PCSK4: variants seen among roughly 807,000 people sequenced by gnomAD.
PCSK4 encodes proprotein convertase subtilisin/kexin type 4.
PCSK4 carries 64 observed loss-of-function variants against 80.3 expected under a neutral mutation model. That is an observed-to-expected ratio of 0.80 (90% CI 0.65 to 0.98). The LOEUF is 0.98. Among genes scored for constraint, PCSK4 ranks in the 50% least tolerant of loss-of-function variants. The pLI, the probability that PCSK4 is intolerant of heterozygous loss-of-function variation, is 0.00. For synonymous variants in PCSK4, 561 were observed against 487.6 expected (o/e 1.15, Z -1.98); for missense variants, 1,213 against 1,093.6 (o/e 1.11, Z -1.54).
At chr19:1,482,869 C>T in intron 13 of PCSK4, 27 bp downstream of exon 13, 1 of 1,594,536 alleles carries the variant, frequency 6.3e-7, no homozygotes, top group Non-Finnish European at 8.6e-7. Context: ...CCAAGCCCCG[C>T]CCACCACAGC....
intron 6 of PCSK4, 121 bp downstream of exon 6, chr19:1,487,482 G>C (rs1173257443): frequency 1.9e-6 from 2 of 1,037,630 alleles, no homozygotes; most frequent in Non-Finnish European, 2.8e-6. Flanking sequence ...CTGGAGTCTG[G>C]GGCCCTAGCA....
chr19:1,487,680 C>T (rs770408253), exon 6 of PCSK4: 28 of 1,554,218 alleles, frequency 1.8e-5, no homozygotes, highest in South Asian at 3.6e-5. Flanking sequence ...CCCAGCACAG[C>T]GGGTCCCGTG....
chr19:1,486,853 G>T (rs772084886), exon 8 of PCSK4: 3 of 1,595,222 alleles, frequency 1.9e-6, no homozygotes, highest in East Asian at 2.2e-5. Flanking sequence ...CTGCACTCAC[G>T]ATCTGGGGGT....
Position 1,488,176 on chromosome 19 carries a change from C to T in PCSK4, c.387+12G>A. On this transcript the variant is annotated intron_variant, in intron 3 of 14. Transcript: ENST00000300954. ...CCCCGTCCCCGTCTACCCACCCTGG[C>T]TGCCTGCTCACCATGTACCACTGCT... The T allele has an allele frequency of 6.2e-7, 1 of 1,613,534 alleles. No homozygotes were observed. The highest frequency in any genetic ancestry group is 8.5e-7 in the Non-Finnish European group (1 of 1,179,856).
upstream of PCSK4, chr19:1,490,415 C>T: frequency 9.7e-6 from 6 of 617,804 alleles, no homozygotes; most frequent in Non-Finnish European, 1.6e-5. Flanking sequence ...TGGGCCCAGG[C>T]GTCCGACCCG....
rs201305258 is a variant in PCSK4, at chr19:1,487,126, C to T, written c.855+15G>A. 482 of 1,602,790 alleles carry T rather than the reference C, an allele frequency of 3.0e-4. 5 individuals carry two copies. In the East Asian group the frequency reaches 9.4e-3, roughly 31 times the overall value. ...CCTGGCCTGCCACCCCTGCCCTCCT[C>T]GGGCTGCCACTCACCTTGGTCACAC... is the stretch of plus-strand genomic sequence containing the variant. On this transcript the variant is annotated intron_variant, in intron 7 of 14. Coordinates refer to ENST00000300954, the Ensembl canonical transcript of PCSK4.
At chr19:1,486,037 A>G (rs186748755) in intron 8 of PCSK4, among the ~76,000 whole-genome samples, 2 of 152,064 alleles carry the variant, frequency 1.3e-5, no homozygotes, top group Non-Finnish European at 2.9e-5. Flanking sequence ...CAGTGGTGCA[A>G]TCTTGGCTCA....
At chr19:1,482,600 G>A in intron 13 of PCSK4, 125 bp from the exon 14 acceptor site, 1 of 1,215,670 alleles carries the variant, frequency 8.2e-7, no homozygotes, top group South Asian at 1.5e-5. Flanking sequence ...ACATCTCTCA[G>A]GGAATTGCAC....
rs568585464 is a variant in PCSK4, at chr19:1,489,334, G to C, written c.294+459C>G. Among the ~76,000 whole-genome samples the C allele has an allele frequency of 1.2e-4, 19 of 152,150 alleles. No homozygotes were observed. In the South Asian group the frequency reaches 3.7e-3, roughly 30 times the overall value. ...TTTTCAGTAGAGACAGGGTTTCACC[G>C]TGTTCGCTAGGATCTCGTCTCGATT... On this transcript the variant is annotated intron_variant, in intron 2 of 14. Transcript: ENST00000300954.
chr19:1,488,154 C>T lies in PCSK4; in HGVS notation c.387+34G>A, dbSNP rs77658311. 7,587 of 1,613,212 alleles carry T rather than the reference C, an allele frequency of 4.7e-3. 26 individuals are homozygous for T. The highest frequency in any genetic ancestry group is 6.0e-3 in the Non-Finnish European group (7,121 of 1,179,706). ...CTGGAGTTGAGGGCGCCAGCGGCCC[C>T]GTCCCCGTCTACCCACCCTGGCTGC... On this transcript the variant is annotated intron_variant, in intron 3 of 14. Coordinates refer to ENST00000300954, the Ensembl canonical transcript of PCSK4.
Position 1,487,123 on chromosome 19 carries a change from C to A in PCSK4, c.855+18G>T. On this transcript the variant is annotated intron_variant, in intron 7 of 14. Transcript: ENST00000300954. ...CGGCCTGGCCTGCCACCCCTGCCCT[C>A]CTCGGGCTGCCACTCACCTTGGTCA... 1 of 1,602,750 alleles carries A rather than the reference C, an allele frequency of 6.2e-7. No individual in the cohort carries two copies. The highest frequency in any genetic ancestry group is 8.5e-7 in the Non-Finnish European group (1 of 1,177,642).
intron 10 of PCSK4, 32 bp downstream of exon 10, chr19:1,483,806 C>T (rs768517100): frequency 2.0e-6 from 3 of 1,501,498 alleles, no homozygotes; most frequent in Non-Finnish European, 2.6e-6. Context: ...CCGTGGGCCC[C>T]GGGTCCCCGC....
Position 1,481,580 on chromosome 19 carries a change from A to T in PCSK4, c.*179T>A, listed in dbSNP as rs1256377137. 6.2e-6 allele frequency: 3 copies of T among 483,780 alleles called. No individual in the cohort carries two copies. The East Asian group carries it at 9.3e-5, about 15-fold the overall frequency. 30.0% of individuals were successfully genotyped at this position (483,780 alleles called of 1,614,324 possible). A position where few individuals can be genotyped will look rare whatever the true frequency, so the allele number is the denominator to read the frequency against. On this transcript the variant is annotated 3_prime_UTR_variant, in exon 15 of 15. Coordinates refer to ENST00000300954, the Ensembl canonical transcript of PCSK4. ...ACTCCCGCCCAAACCCAAAATGCAGAGGAGACTTCTCTCTCTCTCTCTCCC... is the reference window on the plus strand; with the variant it reads ...ACTCCCGCCCAAACCCAAAATGCAGTGGAGACTTCTCTCTCTCTCTCTCCC...
rs140588442 is a variant in PCSK4 at position 1,486,991 on chromosome 19, G to A, written c.930C>T (p.Cys310=). 5.3e-5 allele frequency: 86 copies of A among 1,609,618 alleles called. 1 individual carries two copies. The highest frequency in any genetic ancestry group is 2.0e-4 in the African/African-American group (15 of 74,896). The change falls in exon 8 of 15, where the codon TGC becomes TGT. Residue 310 remains cysteine (C), a synonymous_variant. Coordinates refer to ENST00000300954, the Ensembl canonical transcript of PCSK4. ...TGTGGATGCTGTTGGTGTAGCCGTC[G>A]CAGTTGCAGTTGTCGTAGTGCAGGC... is the stretch of plus-strand genomic sequence containing the variant.
exon 4 of PCSK4, chr19:1,488,069 C>G (rs1479163223): frequency 6.2e-7 from 1 of 1,613,288 alleles, no homozygotes; most frequent in East Asian, 2.2e-5. Flanking sequence ...GCAGGATGCT[C>G]AGGTCTGGTT....
chr19:1,488,091 T>G (rs1437709410), exon 4 of PCSK4: 2 of 1,613,084 alleles, frequency 1.2e-6, no homozygotes, highest in Admixed American at 3.3e-5. Flanking sequence ...GGCCTCGCTG[T>G]TCTGCAGGGG....
chr19:1,482,235 C>T (rs904894092), intron 14 of PCSK4, 28 bp from the exon 15 acceptor site: 9 of 1,523,744 alleles, frequency 5.9e-6, no homozygotes, highest in South Asian at 3.6e-5. Flanking sequence ...CGCAAAGGCC[C>T]GTCAGCTTGC....
intron 14 of PCSK4, 60 bp downstream of exon 14, chr19:1,482,293 C>T (rs1568202277): frequency 1.4e-5 from 22 of 1,531,376 alleles, no homozygotes; most frequent in Admixed American, 5.9e-5. Flanking sequence ...GCCACATGCA[C>T]GCTGCCCACG....
exon 15 of PCSK4, chr19:1,481,727 C>CG: frequency 6.9e-7 from 1 of 1,439,338 alleles, no homozygotes; most frequent in Non-Finnish European, 9.3e-7. Context: ...GGGACCCAGG[C>CG]GGGGGCAAGG....
Sources: allele counts gnomAD v4.1 joint callset (sites outside exome capture counted in the v4.1 genomes callset), GRCh38; gene constraint gnomAD v4.1.1; transcripts MANE v1.5; gene names NCBI Gene and HGNC (gene_info 2026-07-23, HGNC 2026-07-21).